The following DMBT1 variants were observed in gnomAD, a reference collection of about 807,000 sequenced individuals.
DMBT1 encodes deleted in malignant brain tumors 1, also known as scavenger receptor cysteine-rich domain-containing protein DMBT1.
DMBT1 carries 198 observed loss-of-function variants against 252.9 expected under a neutral mutation model. That is an observed-to-expected ratio of 0.78 (90% CI 0.70 to 0.88). DMBT1 has a LOEUF of 0.88. Ranked by LOEUF, DMBT1 falls within the 40% of genes least tolerant of loss-of-function variation. The pLI, the probability that DMBT1 is intolerant of heterozygous loss-of-function variation, is 0.00. For synonymous variants in DMBT1, 990 were observed against 942.7 expected (o/e 1.05, Z -0.92); for missense variants, 2,432 against 2,404.7 (o/e 1.01, Z -0.24).
chr10:122,618,338 C>T lies in DMBT1; in HGVS notation c.5213C>T (p.Ser1738Leu), dbSNP rs747067265. The T allele has an allele frequency of 7.4e-6, 12 of 1,613,864 alleles. No homozygotes were observed. Among genetic ancestry groups the T allele is most frequent in the South Asian group, 4.4e-5 (4 of 91,074 alleles). Residue 1738 changes from serine (S) to leucine (L), a missense_variant and splice_region_variant, in exon 41 of 56, where the codon TCA becomes TTA. Ser to Leu is a moderately radical substitution (Grantham distance 145). Around this residue, in one of 3 missense-constraint regions of DMBT1, gnomAD observed 1,162 missense variants for 1,169.0 expected, o/e 0.99. Coordinates refer to ENST00000338354, the MANE Select transcript of DMBT1 (RefSeq NM_001377530.1). ...GHHEDAGVIC[S>L]AAQSQSTPRP... is the part of the protein sequence containing the mutation. ...CATGAAGATGCTGGTGTCATCTGCT[C>T]AGGTGGGCTTTCAAGACCTTGGGCT...
intron 24 of DMBT1, among the ~76,000 whole-genome samples, chr10:122,597,348 T>C (rs1211984414): frequency 2.0e-5 from 3 of 152,200 alleles, no homozygotes; most frequent in Non-Finnish European, 4.4e-5. Flanking sequence ...TTTGGCACTT[T>C]TCTATTCAGA....
At chr10:122,586,839 G>C (rs1288449793) in intron 16 of DMBT1, among the ~76,000 whole-genome samples, 1 of 148,338 alleles carries the variant, frequency 6.7e-6, no homozygotes, top group Non-Finnish European at 1.5e-5. Flanking sequence ...AGCTGGCCTG[G>C]GCAGAGGTCA....
intron 52 of DMBT1, among the ~76,000 whole-genome samples, 195 bp from the exon 53 acceptor site, chr10:122,635,796 T>C (rs1235026978): frequency 1.3e-5 from 2 of 152,170 alleles, no homozygotes; most frequent in Non-Finnish European, 2.9e-5. Context: ...CCTCAGATGA[T>C]CCACCTGCCT....
intron 44 of DMBT1, among the ~76,000 whole-genome samples, chr10:122,621,606 T>A (rs1432742348): frequency 1.3e-5 from 2 of 152,170 alleles, no homozygotes; most frequent in African/African-American, 4.8e-5. Context: ...CTTTATCCCC[T>A]TCCTGAGGCA....
chr10:122,641,424 A>C (rs551771310), intron 55 of DMBT1, among the ~76,000 whole-genome samples: 1 of 152,292 alleles, frequency 6.6e-6, no homozygotes, highest in East Asian at 1.9e-4. Flanking sequence ...TAGGAATTAG[A>C]GGTGGGCAGA....
At chr10:122,600,340 G>A (rs191616133) in intron 27 of DMBT1, among the ~76,000 whole-genome samples, 51 of 152,110 alleles carry the variant, frequency 3.4e-4, no homozygotes, top group African/African-American at 1.2e-3. Flanking sequence ...CTGTCCCAGT[G>A]GACAACCCTT....
At chr10:122,637,425 G>T in intron 54 of DMBT1, 113 bp downstream of exon 54, 1 of 1,200,400 alleles carries the variant, frequency 8.3e-7, no homozygotes, top group Non-Finnish European at 1.1e-6. Flanking sequence ...GGATAATCAG[G>T]ACATAATTGG....
At chr10:122,597,250 C>T (rs1227333406) in intron 24 of DMBT1, among the ~76,000 whole-genome samples, 196 bp downstream of exon 24, 5 of 152,040 alleles carry the variant, frequency 3.3e-5, no homozygotes, top group Admixed American at 2.0e-4. Context: ...TCTTCTGTTC[C>T]ATTTATCTCA....
rs771486479 is a variant in DMBT1 at position 122,585,314 on chromosome 10, A to G, written c.1459+5A>G. 3.8e-6 allele frequency: 6 copies of G among 1,585,972 alleles called. 1 individual carries two copies. In the South Asian group the frequency reaches 6.9e-5, roughly 18 times the overall value. On this transcript the variant is annotated splice_donor_5th_base_variant and intron_variant, in intron 15 of 55. Coordinates refer to ENST00000338354, the MANE Select transcript of DMBT1 (RefSeq NM_001377530.1). ...CCTTACCTGCATCGACAGTAGGTAA[A>G]TAATCCTCTCGCCCCTCCCTAGGGC...
At chr10:122,593,434 G>A (rs2097868322) in intron 20 of DMBT1, 135 bp from the exon 21 acceptor site, 3 of 1,104,224 alleles carry the variant, frequency 2.7e-6, no homozygotes, top group African/African-American at 1.5e-5. Flanking sequence ...GATGTGCATG[G>A]CAATGTCCCT....
Position 122,617,253 on chromosome 10 carries a change from A to C in DMBT1, c.4884A>C (p.Ser1628=), listed in dbSNP as rs1268030302. ...ACACTTGGCCAACCTCTCGTGCATC[A>C]ACAGCAGGTAAACAATCCTCTCACC... ...SPDTWPTSRA[S]TAGSESTLAL... is the part of the protein sequence containing the mutation. Residue 1628 remains serine, a synonymous_variant, in exon 40 of 56, where the codon TCA becomes TCC. Coordinates refer to ENST00000338354, the MANE Select transcript of DMBT1 (RefSeq NM_001377530.1). The C allele has an allele frequency of 3.1e-6, 5 of 1,609,632 alleles. No individual in the cohort carries two copies. The highest frequency in any genetic ancestry group is 4.2e-6 in the Non-Finnish European group (5 of 1,178,916).
In DMBT1 at chr10:122,630,167, T is replaced by C. The variant is rs543336814; in HGVS notation, c.5823-121T>C. 1.8e-5 allele frequency: 24 copies of C among 1,350,726 alleles called. No individual in the cohort carries two copies. In the South Asian group the frequency reaches 2.6e-4, roughly 14 times the overall value. 83.7% of individuals were successfully genotyped at this position (1,350,726 alleles called of 1,614,324 possible). A position where few individuals can be genotyped will look rare whatever the true frequency, so the allele number is the denominator to read the frequency against. On this transcript the variant is annotated intron_variant, in intron 47 of 55. Transcript: ENST00000338354. ...GAACACTGATGTCCTTTGACTTAATTGAGGAAGAGCTAGAAGAAAAACCTG... is the reference window on the plus strand; with the variant it reads ...GAACACTGATGTCCTTTGACTTAATCGAGGAAGAGCTAGAAGAAAAACCTG...
chr10:122,628,206 G>GA (rs1172355305), intron 46 of DMBT1, among the ~76,000 whole-genome samples: 1 of 152,208 alleles, frequency 6.6e-6, no homozygotes, highest in Non-Finnish European at 1.5e-5. Flanking sequence ...TGTCCATACA[G>GA]AAACTTGTAT....
At chr10:122,563,529 G>A (rs917272393) in intron 1 of DMBT1, among the ~76,000 whole-genome samples, 14 of 151,316 alleles carry the variant, frequency 9.3e-5, no homozygotes, top group African/African-American at 2.2e-4. Flanking sequence ...AGAGGTTGCC[G>A]TGAGCCGAGA....
intron 50 of DMBT1, 63 bp downstream of exon 50, chr10:122,631,938 A>G: frequency 6.4e-7 from 1 of 1,557,948 alleles, no homozygotes; most frequent in Non-Finnish European, 8.9e-7. Flanking sequence ...ACTGCTGCCT[A>G]GACTGTGCAG....
rs549275310 is a variant in DMBT1 at position 122,592,385 on chromosome 10, A to G, written c.2290A>G (p.Thr764Ala). Residue 764 changes from threonine to alanine, a missense_variant, in exon 20 of 56, where the codon ACC becomes GCC. Physicochemically the swap from Thr to Ala is moderately conservative, Grantham distance 58. This residue lies in a region of DMBT1 where 1,264 missense variants were observed against 1,082.2 expected (regional missense o/e 1.17). Coordinates refer to ENST00000338354, the MANE Select transcript of DMBT1 (RefSeq NM_001377530.1). ...CACCGTGTGTGATGACAGCTGGGAT[A>G]CCAATGATGCCAATGTGGTCTGCAG... ...WGTVCDDSWD[T>A]NDANVVCRQL... The G allele has an allele frequency of 1.5e-5, 24 of 1,588,554 alleles. 2 individuals are homozygous for G. The African/African-American group carries it at 2.7e-4, about 18-fold the overall frequency.
chr10:122,628,740 T>C (rs944481241), intron 46 of DMBT1, among the ~76,000 whole-genome samples: 1 of 152,256 alleles, frequency 6.6e-6, no homozygotes, highest in Admixed American at 6.5e-5. Flanking sequence ...TACCATATTG[T>C]ACAATTTGTT....
At chr10:122,577,878 C>T (rs1247131815) in intron 8 of DMBT1, 38 bp downstream of exon 8, 3 of 1,610,772 alleles carry the variant, frequency 1.9e-6, no homozygotes. Flanking sequence ...TACCCCTTCT[C>T]TTTCTGCTCA....
intron 46 of DMBT1, among the ~76,000 whole-genome samples, chr10:122,627,159 C>T (rs1191494746): frequency 6.6e-6 from 1 of 152,210 alleles, no homozygotes; most frequent in Admixed American, 6.5e-5. Context: ...TTCTGCCAAA[C>T]TGCATTTCCT....
Sources: gnomAD v4.1 joint callset for allele counts (sites outside exome capture counted in the v4.1 genomes callset) on GRCh38, gnomAD v4.1.1 for gene constraint, gnomAD v4.1.1 regional missense constraint, MANE v1.5 for transcripts, NCBI Gene and HGNC (gene_info 2026-07-23, HGNC 2026-07-21) for gene names.